The following PDE4D variants were observed in gnomAD, a reference collection of about 807,000 sequenced individuals.
PDE4D encodes the protein phosphodiesterase 4D, also known as 3',5'-cyclic-AMP phosphodiesterase 4D.
A neutral mutation model predicts 87.4 loss-of-function variants in PDE4D; 24 were observed. The observed-to-expected ratio is 0.27, with a 90% CI of 0.20 to 0.39. The LOEUF (loss-of-function observed/expected upper bound fraction) is 0.39, where lower values mean the gene tolerates loss of function less well. Among genes scored for constraint, PDE4D ranks in the 10% least tolerant of loss-of-function variants. The pLI, the probability that PDE4D is intolerant of heterozygous loss-of-function variation, is 1.00. For synonymous variants in PDE4D, 384 were observed against 383.2 expected (o/e 1.00, Z -0.02); for missense variants, 714 against 1,041.0 (o/e 0.69, Z 4.32).
chr5:60,439,802 G>A (rs1285490748), intron 1 of PDE4D, among the ~76,000 whole-genome samples: 3 of 151,918 alleles, frequency 2.0e-5, no homozygotes, highest in Admixed American at 6.6e-5. Flanking sequence ...TGTTTTCTCT[G>A]CTTTCACTCA....
intron 1 of PDE4D, among the ~76,000 whole-genome samples, chr5:59,583,483 G>A (rs930425432): frequency 3.3e-5 from 5 of 152,114 alleles, no homozygotes; most frequent in Non-Finnish European, 5.9e-5. Flanking sequence ...TCTTTGTTTG[G>A]CTTGGCAGTA....
chr5:60,233,565 T>C (rs1746067103), intron 1 of PDE4D, among the ~76,000 whole-genome samples: 1 of 151,572 alleles, frequency 6.6e-6, no homozygotes, highest in East Asian at 1.9e-4. Context: ...ACATTTCCTT[T>C]TTTTTTTTAC....
chr5:59,270,375 G>A (rs1467239021), intron 1 of PDE4D, among the ~76,000 whole-genome samples: 1 of 152,066 alleles, frequency 6.6e-6, no homozygotes, highest in Non-Finnish European at 1.5e-5. Flanking sequence ...TTTTTTCAAA[G>A]CTGATCTTAG....
intron 1 of PDE4D, among the ~76,000 whole-genome samples, chr5:59,272,875 T>C (rs943914147): frequency 1.3e-5 from 2 of 152,120 alleles, no homozygotes; most frequent in African/African-American, 4.8e-5. Flanking sequence ...TTTATGATAC[T>C]TGGAGAGAAA....
intron 1 of PDE4D, among the ~76,000 whole-genome samples, chr5:60,239,860 A>G (rs75502858): frequency 0.061 from 9,259 of 152,072 alleles, 467 homozygotes; most frequent in Admixed American, 0.17. Context: ...TAGTTTTTCA[A>G]TGAAGTCTCT....
chr5:60,097,288 T>TGTGTGTGTGTGTGTGTG (rs1562088754), intron 2 of PDE4D, among the ~76,000 whole-genome samples: 5 of 151,558 alleles, frequency 3.3e-5, no homozygotes, highest in Non-Finnish European at 5.9e-5. Flanking sequence ...TGTGTGTGTG[T>TGTGTGTGTGTGTGTGTG]TTAACAAATA....
intron 5 of PDE4D, chr5:59,166,335 T>C (rs867599080): frequency 1.2e-4 from 18 of 152,224 alleles, no homozygotes; most frequent in African/African-American, 4.3e-4. Flanking sequence ...TGAAGGTTCT[T>C]GGGCTCCTCT....
intron 1 of PDE4D, among the ~76,000 whole-genome samples, chr5:60,219,710 G>A (rs1744272418): frequency 6.6e-6 from 1 of 152,100 alleles, no homozygotes; most frequent in Non-Finnish European, 1.5e-5. Flanking sequence ...CAAAACTAAT[G>A]GGCATCTAAA....
chr5:60,105,842 G>A (rs769717494), intron 2 of PDE4D, among the ~76,000 whole-genome samples: 1 of 151,712 alleles, frequency 6.6e-6, no homozygotes. Context: ...AGGCCTAAAA[G>A]AGCTCCAGAA....
intron 5 of PDE4D, chr5:59,091,141 A>G (rs1359934660): frequency 2.2e-6 from 1 of 453,908 alleles, no homozygotes; most frequent in Admixed American, 2.4e-5. Flanking sequence ...ATTTGAAAAA[A>G]AAGAAAGAAA....
chr5:60,269,653 T>C (rs1750609318), intron 1 of PDE4D, among the ~76,000 whole-genome samples: 1 of 152,222 alleles, frequency 6.6e-6, no homozygotes, highest in Non-Finnish European at 1.5e-5. Flanking sequence ...GTGACTGCAA[T>C]TAATAAAATG....
At chr5:60,084,127 T>G (rs551010612) in intron 2 of PDE4D, among the ~76,000 whole-genome samples, 3 of 152,216 alleles carry the variant, frequency 2.0e-5, no homozygotes, top group Admixed American at 6.5e-5. Context: ...TGAACCAGAT[T>G]TGGTAATATG....
chr5:60,230,530 T>C (rs1421349815), intron 1 of PDE4D, among the ~76,000 whole-genome samples: 1 of 152,124 alleles, frequency 6.6e-6, no homozygotes, highest in East Asian at 1.9e-4. Context: ...TCACCACCAA[T>C]GTAATTCATT....
Position 59,525,801 on chromosome 5 carries a change from T to A in PDE4D, c.456-309833A>T, listed in dbSNP as rs538920685. Among the ~76,000 whole-genome samples the A allele has an allele frequency of 1.8e-4, 27 of 152,308 alleles. No individual in the cohort carries two copies. In the South Asian group the frequency reaches 4.1e-3, roughly 23 times the overall value. On this transcript the variant is annotated intron_variant, in intron 1 of 14. Coordinates refer to ENST00000340635, the MANE Select transcript of PDE4D (RefSeq NM_001104631.2). ...GACTTCTCAGGAGATCTGATAGTTC[T>A]ATAAGGGGCTTTTTCCCCCTTTCCT...
chr5:59,791,139 G>A (rs746997076), intron 1 of PDE4D, among the ~76,000 whole-genome samples: 5 of 152,208 alleles, frequency 3.3e-5, no homozygotes, highest in Non-Finnish European at 5.9e-5. Flanking sequence ...TGTTCCTAAT[G>A]TCAACAGAAT....
At chr5:59,657,414 G>A (rs1744546211) in intron 1 of PDE4D, among the ~76,000 whole-genome samples, 1 of 151,876 alleles carries the variant, frequency 6.6e-6, no homozygotes, top group Admixed American at 6.6e-5. Context: ...AATAAATTAA[G>A]GCTATGCCTG....
chr5:59,766,491 A>G (rs1762810386), intron 1 of PDE4D, among the ~76,000 whole-genome samples: 2 of 152,222 alleles, frequency 1.3e-5, no homozygotes, highest in Admixed American at 1.3e-4. Flanking sequence ...ACATCCCGAC[A>G]TGTCTAAATA....
At chr5:59,785,295 C>T (rs1363009726) in intron 1 of PDE4D, among the ~76,000 whole-genome samples, 1 of 152,170 alleles carries the variant, frequency 6.6e-6, no homozygotes, top group Non-Finnish European at 1.5e-5. Context: ...GTAAACCTAG[C>T]TTTCATTTGT....
chr5:59,363,574 G>A (rs1782570422), intron 1 of PDE4D, among the ~76,000 whole-genome samples: 1 of 152,120 alleles, frequency 6.6e-6, no homozygotes, highest in African/African-American at 2.4e-5. Flanking sequence ...ATTGGTGTCA[G>A]GTATAAGATC....
Sources: gnomAD v4.1 joint callset for allele counts (sites outside exome capture counted in the v4.1 genomes callset) on GRCh38, gnomAD v4.1.1 for gene constraint, MANE v1.5 for transcripts, NCBI Gene and HGNC (gene_info 2026-07-23, HGNC 2026-07-21) for gene names.